PISD: variants seen among roughly 807,000 people sequenced by gnomAD.
PISD encodes the protein phosphatidylserine decarboxylase proenzyme, mitochondrial.
In PISD, 31 loss-of-function variants were observed where a neutral mutation model predicts 43.5. The ratio of observed to expected loss-of-function variants is 0.71; its 90% CI spans 0.54 to 0.96. The LOEUF is 0.96. Among genes scored for constraint, PISD ranks in the 40% least tolerant of loss-of-function variants. PISD has a pLI of 0.00. For synonymous variants in PISD, 259 were observed against 228.7 expected, an observed-to-expected ratio of 1.13 and a Z score of -1.20; for missense variants, 523 against 548.4, an observed-to-expected ratio of 0.95 and a Z score of 0.46.
At chr22:31,621,304 C>A in intron 5 of PISD, 30 bp downstream of exon 5, 1 of 1,613,032 alleles carries the variant, frequency 6.2e-7, no homozygotes, top group Non-Finnish European at 8.5e-7. Flanking sequence ...AGCAGCAGGG[C>A]TGCCTAGCCC....
At position 31,620,883 on chromosome 22, in the gene PISD, ACTC is replaced by A. The variant is rs2072519116; in HGVS notation, c.844+110_844+112del. ...ACAACCAGCCTGCATAAAGCAGTCA[ACTC>A]CTGGCCTCAATGACCCTGATCTGGA... is the stretch of plus-strand genomic sequence containing the variant. On this transcript the variant is annotated intron_variant, in intron 6 of 7. Coordinates refer to ENST00000439502, the MANE Select transcript of PISD (RefSeq NM_001326411.2). 2.9e-5 allele frequency: 40 copies of A among 1,401,726 alleles called. No individual in the cohort carries two copies. The South Asian group carries it at 5.3e-4, about 19-fold the overall frequency. The allele number at this position is 1,401,726 out of a possible 1,614,324, so 86.8% of individuals were successfully genotyped here. A position where few individuals can be genotyped will look rare whatever the true frequency, so the allele number is the denominator to read the frequency against.
chr22:31,662,111 A>C, intron 1 of PISD, 33 bp downstream of exon 1: 1 of 1,591,132 alleles, frequency 6.3e-7, no homozygotes, highest in Non-Finnish European at 8.6e-7. Flanking sequence ...AGGTTGCCCC[A>C]CGCCCCAAGG....
At chr22:31,646,170 G>A (rs1036397572) in intron 3 of PISD, among the ~76,000 whole-genome samples, 1 of 152,094 alleles carries the variant, frequency 6.6e-6, no homozygotes, top group Non-Finnish European at 1.5e-5. Flanking sequence ...GCTGAGGCAG[G>A]AGGGTCGCTT....
chr22:31,639,887 G>A (rs1213078032), intron 3 of PISD, among the ~76,000 whole-genome samples: 1 of 152,142 alleles, frequency 6.6e-6, no homozygotes, highest in African/African-American at 2.4e-5. Flanking sequence ...CTCAGGCCAA[G>A]AACCAAGAAT....
intron 3 of PISD, among the ~76,000 whole-genome samples, chr22:31,624,658 C>CAG (rs1569482550): frequency 0.013 from 1,556 of 118,994 alleles, 21 homozygotes; most frequent in African/African-American, 0.04. Context: ...CAGACAGACA[C>CAG]ACACACACAC....
At chr22:31,661,520 C>T (rs975784160) in intron 1 of PISD, among the ~76,000 whole-genome samples, 10 of 152,144 alleles carry the variant, frequency 6.6e-5, no homozygotes, top group African/African-American at 2.4e-4. Context: ...GGTCCGGGCT[C>T]TGCTACAAAC....
intron 2 of PISD, 46 bp downstream of exon 2, chr22:31,650,653 A>C (rs535044086): frequency 8.7e-7 from 1 of 1,144,118 alleles, no homozygotes; most frequent in African/African-American, 1.5e-5. Context: ...CAGATGACCA[A>C]ACTGAGGCAG....
chr22:31,640,565 CGGTTTGGTTG>C (rs2073664091), intron 3 of PISD, among the ~76,000 whole-genome samples: 1 of 133,032 alleles, frequency 7.5e-6, no homozygotes, highest in Non-Finnish European at 1.6e-5. Context: ...CTTTTTGTTT[CGGTTTGGTTG>C]TTTTTTTTTT....
chr22:31,624,196 AG>A (rs1317329068), intron 3 of PISD, among the ~76,000 whole-genome samples: 2 of 152,190 alleles, frequency 1.3e-5, no homozygotes, highest in African/African-American at 4.8e-5. Flanking sequence ...AAGGGCCTCC[AG>A]GCCCAAGCAC....
intron 3 of PISD, chr22:31,628,719 G>A: frequency 1.8e-6 from 1 of 555,362 alleles, no homozygotes; most frequent in Non-Finnish European, 2.3e-6. Flanking sequence ...TGGAAAATGG[G>A]AAAGGAAATT....
At chr22:31,627,668 C>T (rs1034224706) in intron 3 of PISD, among the ~76,000 whole-genome samples, 6 of 152,220 alleles carry the variant, frequency 3.9e-5, no homozygotes, top group Non-Finnish European at 7.3e-5. Context: ...AGAGGAGGGG[C>T]CTTGGGGAGC....
intron 3 of PISD, among the ~76,000 whole-genome samples, chr22:31,645,554 T>G (rs1394936319): frequency 6.9e-6 from 1 of 145,092 alleles, no homozygotes; most frequent in Non-Finnish European, 1.5e-5. Context: ...TTTTTTTTAG[T>G]TTTAGTAGAG....
Position 31,662,149 on chromosome 22 carries a change from C to G in PISD, c.60G>C (p.Arg20=). ...LGLLHGVAPW[R]SSLHPCEITA... Reference sequence around the variant, plus strand: ...GTCTCTCCGCGCTGCTATACCTGCTCCGCCACGGCGCGACCCCGTGCAGTA... The same window carrying G: ...GTCTCTCCGCGCTGCTATACCTGCTGCGCCACGGCGCGACCCCGTGCAGTA... The change falls in exon 1 of 8, where the codon CGG becomes CGC. Residue 20 remains arginine (R), a synonymous_variant. Coordinates refer to ENST00000439502, the MANE Select transcript of PISD (RefSeq NM_001326411.2). 6.2e-7 allele frequency: 1 copy of G among 1,607,598 alleles called. No individual in the cohort carries two copies. Among genetic ancestry groups the G allele is most frequent in the Non-Finnish European group, 8.5e-7 (1 of 1,179,744 alleles).
chr22:31,632,765 T>C (rs548834387), intron 3 of PISD, among the ~76,000 whole-genome samples: 1 of 152,230 alleles, frequency 6.6e-6, no homozygotes, highest in Admixed American at 6.5e-5. Flanking sequence ...ATTATCTAAC[T>C]TTTTATTAAT....
chr22:31,629,050 T>C, intron 3 of PISD: 2 of 985,498 alleles, frequency 2.0e-6, no homozygotes, highest in Non-Finnish European at 2.4e-6. Flanking sequence ...CAGGACATGC[T>C]GTTTTGGGGA....
At chr22:31,659,336 T>C (rs2147823826) in intron 1 of PISD, among the ~76,000 whole-genome samples, 1 of 152,278 alleles carries the variant, frequency 6.6e-6, no homozygotes, top group South Asian at 2.1e-4. Flanking sequence ...CAAGGCCTAT[T>C]TCAAATGTTT....
At chr22:31,644,004 C>A (rs991924059) in intron 3 of PISD, among the ~76,000 whole-genome samples, 2 of 151,346 alleles carry the variant, frequency 1.3e-5, no homozygotes, top group Non-Finnish European at 2.9e-5. Context: ...GCCGAGATTG[C>A]GCCACTGCAC....
At chr22:31,652,314 A>G (rs1036325560) in intron 1 of PISD, among the ~76,000 whole-genome samples, 2 of 151,934 alleles carry the variant, frequency 1.3e-5, no homozygotes, top group Non-Finnish European at 2.9e-5. Flanking sequence ...TATTTTTAGT[A>G]GAGACAGAGT....
intron 1 of PISD, among the ~76,000 whole-genome samples, chr22:31,653,109 G>A (rs1461007821): frequency 6.7e-6 from 1 of 149,902 alleles, no homozygotes; most frequent in African/African-American, 2.5e-5. Flanking sequence ...TGATGAATCT[G>A]ATTCTCCTAT....
Sources: gnomAD v4.1 joint callset for allele counts (sites outside exome capture counted in the v4.1 genomes callset) on GRCh38, gnomAD v4.1.1 for gene constraint, MANE v1.5 for transcripts, NCBI Gene and HGNC (gene_info 2026-07-23, HGNC 2026-07-21) for gene names.